The following RAD23B variants were observed in gnomAD, a reference collection of about 807,000 sequenced individuals.
RAD23B encodes the protein RAD23 nucleotide excision repair protein B, also known as lysine-specific demethylase RAD23B.
A neutral mutation model predicts 49.1 loss-of-function variants in RAD23B; 5 were observed. That is an observed-to-expected ratio of 0.10 (90% CI 0.05 to 0.21). RAD23B has a LOEUF of 0.21. Ranked by LOEUF, RAD23B falls within the 10% of genes least tolerant of loss-of-function variation. The pLI, the probability that RAD23B is intolerant of heterozygous loss-of-function variation, is 1.00. For synonymous variants in RAD23B, 184 were observed against 165.4 expected, an observed-to-expected ratio of 1.11 and a Z score of -0.86; for missense variants, 356 against 486.7, an observed-to-expected ratio of 0.73 and a Z score of 2.53.
At position 107,283,316 on chromosome 9, in the gene RAD23B, T is replaced by C. The variant is rs1277000826; in HGVS notation, c.-314T>C. On this transcript the variant is annotated 5_prime_UTR_variant, in exon 1 of 10. Transcript: ENST00000358015. ...TGGCGGCCACCATCCTGTGGTGAGC[T>C]AGCGGATTCCCTGCTTGTCTCGCCG... is the stretch of plus-strand genomic sequence containing the variant. 3 of 415,466 alleles carry C rather than the reference T, an allele frequency of 7.2e-6. No individual in the cohort carries two copies. Among genetic ancestry groups the C allele is most frequent in the East Asian group, 7.1e-5 (2 of 28,172 alleles). 25.7% of individuals were successfully genotyped at this position (415,466 alleles called of 1,614,324 possible). A position where few individuals can be genotyped will look rare whatever the true frequency, so the allele number is the denominator to read the frequency against.
Position 107,302,182 on chromosome 9 carries a change from C to A in RAD23B, c.228+68C>A, listed in dbSNP as rs925521915. On this transcript the variant is annotated intron_variant, in intron 3 of 9. Transcript: ENST00000358015. ...CTTTTTAAAAATGATGATCACAAGT[C>A]CACACAATGGACACAGTTTATACAC... The A allele has an allele frequency of 1.6e-5, 25 of 1,598,894 alleles. No individual in the cohort carries two copies. In the African/African-American group the frequency reaches 2.7e-4, roughly 17 times the overall value.
At chr9:107,323,634 A>G (rs1468979716) in intron 7 of RAD23B, among the ~76,000 whole-genome samples, 1 of 152,210 alleles carries the variant, frequency 6.6e-6, no homozygotes. Context: ...TGCCAAGGGC[A>G]ATTATAGGAA....
chr9:107,300,253 A>G (rs376587301), intron 2 of RAD23B, 31 bp downstream of exon 2: 69 of 1,578,312 alleles, frequency 4.4e-5, no homozygotes, highest in Non-Finnish European at 5.7e-5. Flanking sequence ...TTAACATGCC[A>G]TGTCTTGATA....
Position 107,291,031 on chromosome 9 carries a change from A to G in RAD23B, c.66+7336A>G, listed in dbSNP as rs373693965. On this transcript the variant is annotated intron_variant, in intron 1 of 9. Transcript: ENST00000358015. ...TTATAGTGTCACGAAAGCTAATTTT[A>G]CAACTGAATGAGCTTTATAAAACTT... Among the ~76,000 whole-genome samples the G allele has an allele frequency of 2.4e-4, 36 of 152,338 alleles. 1 individual carries two copies. The East Asian group carries it at 6.7e-3, about 29-fold the overall frequency.
At chr9:107,325,267 T>C (rs143328889) in intron 9 of RAD23B, among the ~76,000 whole-genome samples, 2 of 140,072 alleles carry the variant, frequency 1.4e-5, no homozygotes, top group African/African-American at 5.5e-5. Flanking sequence ...TGAGCCGAGA[T>C]TGTGCCACTG....
At chr9:107,291,104 G>A (rs1294554590) in intron 1 of RAD23B, among the ~76,000 whole-genome samples, 1 of 152,306 alleles carries the variant, frequency 6.6e-6, no homozygotes, top group Non-Finnish European at 1.5e-5. Context: ...AGCTACAAAT[G>A]ACTGACAATA....
intron 4 of RAD23B, among the ~76,000 whole-genome samples, chr9:107,309,974 T>G (rs559838910): frequency 1.3e-5 from 2 of 150,812 alleles, no homozygotes; most frequent in Admixed American, 1.3e-4. Context: ...ATAGTGTAAA[T>G]TATTCTAAGG....
At chr9:107,287,790 C>T (rs1431946256) in intron 1 of RAD23B, among the ~76,000 whole-genome samples, 1 of 144,266 alleles carries the variant, frequency 6.9e-6, no homozygotes, top group East Asian at 2.1e-4. Flanking sequence ...GCTGAGATCG[C>T]ACCATTGCAC....
At chr9:107,320,438 A>C (rs945403447) in intron 6 of RAD23B, among the ~76,000 whole-genome samples, 3 of 152,274 alleles carry the variant, frequency 2.0e-5, no homozygotes, top group Non-Finnish European at 4.4e-5. Flanking sequence ...GTATAAAAAT[A>C]CAGAATCATT....
intron 4 of RAD23B, among the ~76,000 whole-genome samples, chr9:107,309,139 A>T (rs936878109): frequency 5.9e-5 from 9 of 152,234 alleles, no homozygotes; most frequent in African/African-American, 1.9e-4. Context: ...TGTGGTAGTC[A>T]ATAGGCTGCA....
At chr9:107,300,297 TGTA>T (rs1436426039) in intron 2 of RAD23B, 75 bp downstream of exon 2, 4 of 1,436,092 alleles carry the variant, frequency 2.8e-6, no homozygotes, top group African/African-American at 1.5e-5. Flanking sequence ...TCTTATATAT[TGTA>T]GTATATTCAA....
rs1052016458 is a variant in RAD23B, at chr9:107,331,953, A to G, written c.*2297A>G. ...GGTAAATCTCTTAATGTAAGTAGCT[A>G]TTTGACTTTGGAATTTTGCATTCGA... On this transcript the variant is annotated 3_prime_UTR_variant, in exon 10 of 10. Coordinates refer to ENST00000358015, the MANE Select transcript of RAD23B (RefSeq NM_002874.5). The G allele has an allele frequency of 1.2e-5, 5 of 421,640 alleles. No individual in the cohort carries two copies. The highest frequency in any genetic ancestry group is 6.1e-5 in the African/African-American group (3 of 49,396). The allele number at this position is 421,640 out of a possible 1,614,324, so 26.1% of individuals were successfully genotyped here.
intron 8 of RAD23B, among the ~76,000 whole-genome samples, chr9:107,324,421 CT>C (rs1827163330): frequency 1.3e-5 from 2 of 152,018 alleles, no homozygotes; most frequent in South Asian, 4.1e-4. Context: ...GAAAAAATAG[CT>C]GTGGGGCTTC....
rs1469601428 is a variant in RAD23B, at chr9:107,330,515, C to A, written c.*859C>A. 6.5e-6 allele frequency: 1 copy of A among 152,698 alleles called. No individual in the cohort carries two copies. Among genetic ancestry groups the A allele is most frequent in the East Asian group, 1.9e-4 (1 of 5,184 alleles). The allele number at this position is 152,698 out of a possible 1,614,324, so 9.5% of individuals were successfully genotyped here. A position where few individuals can be genotyped will look rare whatever the true frequency, so the allele number is the denominator to read the frequency against. On this transcript the variant is annotated 3_prime_UTR_variant, in exon 10 of 10. Coordinates refer to ENST00000358015, the MANE Select transcript of RAD23B (RefSeq NM_002874.5). The surrounding 1 kb of genome is among the most constrained non-coding windows in gnomAD (Gnocchi z 4.4). Reference sequence around the variant, plus strand: ...CACTTTTGGGGCCAATGGAGAAATGCAGCATTCACTCTCCCTGTCTTTTCC... The same window carrying A: ...CACTTTTGGGGCCAATGGAGAAATGAAGCATTCACTCTCCCTGTCTTTTCC...
At chr9:107,296,943 C>T (rs1487652516) in intron 1 of RAD23B, among the ~76,000 whole-genome samples, 2 of 148,776 alleles carry the variant, frequency 1.3e-5, no homozygotes, top group Non-Finnish European at 3.0e-5. Flanking sequence ...CAACCTCCAG[C>T]TCCCTGGTTC....
intron 1 of RAD23B, chr9:107,283,988 G>A: frequency 1.8e-6 from 2 of 1,108,426 alleles, no homozygotes; most frequent in South Asian, 4.1e-5. Flanking sequence ...TAGCGGGGCC[G>A]GAGGGGGATG....
chr9:107,284,028 C>T (rs1029631246), intron 1 of RAD23B: 7 of 1,058,272 alleles, frequency 6.6e-6, no homozygotes, highest in Admixed American at 1.1e-4. Flanking sequence ...AGCCGTAGAG[C>T]CTGGCTTTCT....
At chr9:107,303,520 CTG>C (rs1826701870) in intron 3 of RAD23B, among the ~76,000 whole-genome samples, 1 of 152,102 alleles carries the variant, frequency 6.6e-6, no homozygotes, top group Non-Finnish European at 1.5e-5. Context: ...TTTTATTCAA[CTG>C]TGGTAAAATA....
chr9:107,322,376 G>C (rs913156255), intron 7 of RAD23B, among the ~76,000 whole-genome samples: 1 of 152,228 alleles, frequency 6.6e-6, no homozygotes, highest in African/African-American at 2.4e-5. Context: ...TTAAGGAAAA[G>C]ATGCTTTCCA....
Sources: allele counts gnomAD v4.1 joint callset (sites outside exome capture counted in the v4.1 genomes callset), GRCh38; gene constraint gnomAD v4.1.1; non-coding constraint Gnocchi (gnomAD v3.1); transcripts MANE v1.5; gene names NCBI Gene and HGNC (gene_info 2026-07-23, HGNC 2026-07-21).